Variants in NUP43 observed in about 807,000 individuals in gnomAD.
NUP43 encodes nucleoporin 43.
NUP43 carries 32 observed loss-of-function variants against 47.3 expected under a neutral mutation model. The ratio of observed to expected loss-of-function variants is 0.68; its 90% confidence interval spans 0.51 to 0.91. The LOEUF (loss-of-function observed/expected upper bound fraction) is 0.91. Among genes scored for constraint, NUP43 ranks in the 40% least tolerant of loss-of-function variants. The pLI is 0.00. For synonymous variants in NUP43, 147 were observed against 158.4 expected (o/e 0.93, Z 0.54); for missense variants, 444 against 453.9 (o/e 0.98, Z 0.20).
At chr6:149,748,439 CA>C (rs757086410), upstream of NUP43, among the ~76,000 whole-genome samples, 1 of 152,188 alleles carries the variant, frequency 6.6e-6, no homozygotes, top group Non-Finnish European at 1.5e-5. Flanking sequence ...TCACATTTTA[CA>C]AAATCGGATA....
chr6:149,744,563 C>G (rs1785861576), intron 2 of NUP43, among the ~76,000 whole-genome samples: 1 of 150,314 alleles, frequency 6.7e-6, no homozygotes, highest in African/African-American at 2.4e-5. Flanking sequence ...ATCGTCTGGG[C>G]ATGGTGGCTC....
chr6:149,742,320 C>A (rs1304127164), intron 4 of NUP43, 70 bp downstream of exon 4: 1 of 1,472,186 alleles, frequency 6.8e-7, no homozygotes, highest in East Asian at 2.3e-5. Flanking sequence ...GCCACCACAC[C>A]CAGCCTAACT....
chr6:149,736,934 C>T (rs1407583806), intron 5 of NUP43, among the ~76,000 whole-genome samples: 1 of 151,992 alleles, frequency 6.6e-6, no homozygotes, highest in Non-Finnish European at 1.5e-5. Context: ...AGTGATCTAG[C>T]CACCCTGGCC....
Position 149,738,790 on chromosome 6 carries a change from A to T in NUP43, c.503-12T>A, listed in dbSNP as rs776047686. 1.0e-5 allele frequency: 15 copies of T among 1,469,320 alleles called. No individual in the cohort carries two copies. In the South Asian group the frequency reaches 2.0e-4, roughly 20 times the overall value. The allele number at this position is 1,469,320 out of a possible 1,614,324, so 91.0% of individuals were successfully genotyped here. A position where few individuals can be genotyped will look rare whatever the true frequency, so the allele number is the denominator to read the frequency against. On this transcript the variant is annotated splice_polypyrimidine_tract_variant and intron_variant, in intron 4 of 7. Transcript: ENST00000340413. ...ACTATCTGCATTGTCTAAAAATTTAAAAAATGGTAGTATGTGTTAATGAGT... is the reference window on the plus strand; with the variant it reads ...ACTATCTGCATTGTCTAAAAATTTATAAAATGGTAGTATGTGTTAATGAGT...
At position 149,738,792 on chromosome 6, in the gene NUP43, A is replaced by G; in HGVS notation, c.503-14T>C. Reference sequence around the variant, plus strand: ...TATCTGCATTGTCTAAAAATTTAAAAAATGGTAGTATGTGTTAATGAGTCC... The same window carrying G: ...TATCTGCATTGTCTAAAAATTTAAAGAATGGTAGTATGTGTTAATGAGTCC... On this transcript the variant is annotated splice_polypyrimidine_tract_variant and intron_variant, in intron 4 of 7. Transcript: ENST00000340413. 3 of 1,464,812 alleles carry G rather than the reference A, an allele frequency of 2.0e-6. No individual in the cohort carries two copies. The highest frequency in any genetic ancestry group is 1.8e-6 in the Non-Finnish European group (2 of 1,105,238). The allele number at this position is 1,464,812 out of a possible 1,614,324, so 90.7% of individuals were successfully genotyped here. A position where few individuals can be genotyped will look rare whatever the true frequency, so the allele number is the denominator to read the frequency against.
At chr6:149,743,792 T>A in intron 2 of NUP43, 77 bp from the exon 3 acceptor site, 1 of 838,920 alleles carries the variant, frequency 1.2e-6, no homozygotes, top group Non-Finnish European at 2.0e-6. Context: ...TTTAACTCAA[T>A]TAGTAGCAAA....
chr6:149,744,799 G>A (rs1361125365), intron 2 of NUP43, among the ~76,000 whole-genome samples: 4 of 151,336 alleles, frequency 2.6e-5, no homozygotes, highest in African/African-American at 9.7e-5. Flanking sequence ...TCTCGCCACT[G>A]CACTCCAGCT....
At chr6:149,731,947 T>G (rs1380089918) in intron 6 of NUP43, among the ~76,000 whole-genome samples, 1 of 152,196 alleles carries the variant, frequency 6.6e-6, no homozygotes, top group East Asian at 1.9e-4. Context: ...AAGAACACTT[T>G]AGGAGGCTAA....
At chr6:149,740,358 C>A (rs1267932903) in intron 4 of NUP43, among the ~76,000 whole-genome samples, 3 of 149,360 alleles carry the variant, frequency 2.0e-5, no homozygotes, top group Non-Finnish European at 1.5e-5. Flanking sequence ...AGGCCAGGTA[C>A]AGTGGCTCAC....
chr6:149,737,218 A>C (rs1281604451), intron 5 of NUP43, among the ~76,000 whole-genome samples: 7 of 151,960 alleles, frequency 4.6e-5, no homozygotes, highest in Non-Finnish European at 7.4e-5. Flanking sequence ...CAGTAGGCAG[A>C]AGTTGCAGTG....
chr6:149,748,991 A>G (rs1233650418), upstream of NUP43, among the ~76,000 whole-genome samples: 1 of 152,184 alleles, frequency 6.6e-6, no homozygotes, highest in Non-Finnish European at 1.5e-5. Context: ...GTGAGGCTTA[A>G]TTAGGTGGAA....
upstream of NUP43, chr6:149,749,318 G>A (rs1464769971): frequency 1.1e-5 from 2 of 183,022 alleles, no homozygotes; most frequent in South Asian, 1.9e-4. Flanking sequence ...AACTGGGTTG[G>A]GCGAGGTAGG....
chr6:149,733,329 AT>A (rs1233505745), intron 6 of NUP43, among the ~76,000 whole-genome samples: 1 of 152,106 alleles, frequency 6.6e-6, no homozygotes, highest in Non-Finnish European at 1.5e-5. Context: ...AGGGCTTTTT[AT>A]TTTTTATTTG....
intron 6 of NUP43, among the ~76,000 whole-genome samples, chr6:149,733,935 C>T (rs1335575468): frequency 6.6e-6 from 1 of 151,964 alleles, no homozygotes; most frequent in Middle Eastern, 3.2e-3. Context: ...AGTGACTGTC[C>T]TGCCTCTGCC....
chr6:149,741,398 T>A (rs185433576), intron 4 of NUP43, among the ~76,000 whole-genome samples: 5 of 152,310 alleles, frequency 3.3e-5, no homozygotes, highest in African/African-American at 1.2e-4. Flanking sequence ...GGTCTCAAAC[T>A]CTTGGCCTCA....
intron 6 of NUP43, among the ~76,000 whole-genome samples, chr6:149,736,054 G>T (rs1785331281): frequency 6.7e-6 from 1 of 149,404 alleles, no homozygotes; most frequent in South Asian, 2.1e-4. Flanking sequence ...GAGCTGGGCA[G>T]ATCACCTCAG....
intron 6 of NUP43, among the ~76,000 whole-genome samples, chr6:149,734,801 A>C (rs1785238526): frequency 6.6e-6 from 1 of 151,090 alleles, no homozygotes; most frequent in South Asian, 2.1e-4. Flanking sequence ...CTGTCTCAAA[A>C]AAAAAAAAAA....
upstream of NUP43, chr6:149,746,565 C>T (rs1181399513): frequency 1.2e-6 from 2 of 1,612,646 alleles, no homozygotes; most frequent in Non-Finnish European, 1.7e-6. Context: ...CGCCTCTTCC[C>T]GCGGAACCCT....
intron 6 of NUP43, among the ~76,000 whole-genome samples, chr6:149,734,600 C>A (rs192015438): frequency 1.3e-5 from 2 of 152,006 alleles, no homozygotes; most frequent in Non-Finnish European, 2.9e-5. Context: ...GAGTTTGAGA[C>A]CAGCCTGGCC....
Sources: gnomAD v4.1 joint callset for allele counts (sites outside exome capture counted in the v4.1 genomes callset) on GRCh38, gnomAD v4.1.1 for gene constraint, MANE v1.5 for transcripts, NCBI Gene and HGNC (gene_info 2026-07-23, HGNC 2026-07-21) for gene names.